STAG3: variants seen among roughly 807,000 people sequenced by gnomAD.
The protein encoded by STAG3 is STAG3 cohesin complex component.
A neutral mutation model predicts 160.7 loss-of-function variants in STAG3; 101 were observed. That is an observed-to-expected ratio of 0.63 (90% CI 0.54 to 0.74). STAG3 has a LOEUF of 0.74. Among genes scored for constraint, STAG3 ranks in the 30% least tolerant of loss-of-function variants. STAG3 has a pLI of 0.00. For synonymous variants in STAG3, 519 were observed against 585.0 expected (o/e 0.89, Z 1.63); for missense variants, 1,188 against 1,517.4 (o/e 0.78, Z 3.61).
chr7:100,187,100 C>T (rs1202011074), intron 5 of STAG3, among the ~76,000 whole-genome samples: 5 of 151,902 alleles, frequency 3.3e-5, no homozygotes, highest in Admixed American at 1.3e-4. Context: ...GGCATGATCT[C>T]GGCTCACTGC....
At position 100,207,091 on chromosome 7, in the gene STAG3, T is replaced by C. The variant is rs1304234830; in HGVS notation, c.3238+1707T>C. Among the ~76,000 whole-genome samples, 1 of 152,224 alleles carries C rather than the reference T, an allele frequency of 6.6e-6. No individual in the cohort carries two copies. The highest frequency in any genetic ancestry group is 1.5e-5 in the Non-Finnish European group (1 of 68,038). Reference sequence around the variant, plus strand: ...TCATACCTTTTTATGGCCGAAACAATATGCCATCGTGTGGATATGCCACAT... The same window carrying C: ...TCATACCTTTTTATGGCCGAAACAACATGCCATCGTGTGGATATGCCACAT... On this transcript the variant is annotated intron_variant, in intron 29 of 33. Transcript: ENST00000615138. This position sits in a 1 kb window ranked among gnomAD's most constrained non-coding sequence, Gnocchi z 4.0.
intron 31 of STAG3, 62 bp downstream of exon 31, chr7:100,211,601 C>A: frequency 6.4e-7 from 1 of 1,561,636 alleles, no homozygotes; most frequent in Non-Finnish European, 8.8e-7. Context: ...TGAGGGGATT[C>A]CTGTCTCACC....
chr7:100,215,814 T>C (rs1335142897), downstream of STAG3, among the ~76,000 whole-genome samples: 2 of 152,162 alleles, frequency 1.3e-5, no homozygotes, highest in Non-Finnish European at 2.9e-5. Context: ...ATATGGGCTT[T>C]GTGATGCTTG....
chr7:100,204,078 G>T lies in STAG3; in HGVS notation c.2758G>T (p.Asp920Tyr). 1.2e-6 allele frequency: 2 copies of T among 1,614,086 alleles called. No homozygotes were observed. The highest frequency in any genetic ancestry group is 2.2e-5 in the South Asian group (2 of 91,044). ...AACATTAACTAGAGCAAGGCAGATT[G>T]ACCGAAGTCATTGTTCCCGAATCCT... ...KETLTRARQI[D>Y]RSHCSRILLL... The change falls in exon 26 of 34, where the codon GAC becomes TAC. Residue 920 changes from aspartate to tyrosine, a missense_variant. Around this residue, in one of 4 missense-constraint regions of STAG3, gnomAD observed 647 missense variants for 717.2 expected, o/e 0.90. Coordinates refer to ENST00000615138, the MANE Select transcript of STAG3 (RefSeq NM_001282717.2).
chr7:100,184,297 CTT>C (rs1799840784), intron 4 of STAG3, among the ~76,000 whole-genome samples: 2 of 151,528 alleles, frequency 1.3e-5, no homozygotes, highest in Admixed American at 1.3e-4. Context: ...TTTATGGAGA[CTT>C]AGCCTTATGG....
intron 2 of STAG3, among the ~76,000 whole-genome samples, chr7:100,181,698 AACAC>A: frequency 6.6e-6 from 1 of 152,102 alleles, no homozygotes; most frequent in Non-Finnish European, 1.5e-5. Context: ...CTATAATCCC[AACAC>A]TTTGGGAGGC....
In STAG3 at chr7:100,211,884, G is replaced by T; in HGVS notation, c.3600+8G>T. The stretch of plus-strand genomic sequence containing the variant: ...CGGCAGGATACAGACATGGTGAGTA[G>T]ACCACCCTGCCCTTCTCTCTCAAGA... On this transcript the variant is annotated splice_region_variant and intron_variant, in intron 32 of 33. Coordinates refer to ENST00000615138, the MANE Select transcript of STAG3 (RefSeq NM_001282717.2). The T allele has an allele frequency of 1.2e-6, 2 of 1,613,518 alleles. No homozygotes were observed. Among genetic ancestry groups the T allele is most frequent in the South Asian group, 1.1e-5 (1 of 91,002 alleles).
intron 29 of STAG3, among the ~76,000 whole-genome samples, chr7:100,208,428 A>G (rs1184902538): frequency 1.3e-5 from 2 of 152,266 alleles, no homozygotes; most frequent in Admixed American, 6.5e-5. Context: ...ACAATTGCCA[A>G]TAACTGCCTG....
intron 9 of STAG3, among the ~76,000 whole-genome samples, chr7:100,196,818 T>C (rs2117246154): frequency 6.6e-6 from 1 of 151,966 alleles, no homozygotes; most frequent in African/African-American, 2.4e-5. Context: ...GTTTAACTAT[T>C]TTATGGTTTG....
In STAG3 at chr7:100,182,844, A is replaced by C; in HGVS notation, c.336+5A>C. The C allele has an allele frequency of 1.2e-6, 2 of 1,613,962 alleles. No individual in the cohort carries two copies. The highest frequency in any genetic ancestry group is 1.7e-6 in the Non-Finnish European group (2 of 1,179,848). ...GCCGCCAAAAGTGACATGCAGGTAA[A>C]GCAGTGTCTCACCTCTGTTGATACC... On this transcript the variant is annotated splice_donor_5th_base_variant and intron_variant, in intron 4 of 33. Coordinates refer to ENST00000615138, the MANE Select transcript of STAG3 (RefSeq NM_001282717.2).
At chr7:100,218,634 G>A (rs753511524), downstream of STAG3, 2 of 394,982 alleles carry the variant, frequency 5.1e-6, no homozygotes, top group South Asian at 4.4e-5. Flanking sequence ...AGAGTCTTCC[G>A]TTACTAGGTA....
At chr7:100,217,515 A>G (rs1369435770), downstream of STAG3, among the ~76,000 whole-genome samples, 2 of 108,162 alleles carry the variant, frequency 1.8e-5, no homozygotes, top group African/African-American at 6.9e-5. Flanking sequence ...GATGGTAGAA[A>G]TGAAGACACA....
rs552372889 is a variant in STAG3, at chr7:100,205,149, G to T, written c.3080+16G>T. ...AGCAGCTTTTGTAAGTTGGTGGGTG[G>T]ATAGAGATGTGGATTAGGGAAGGGC... On this transcript the variant is annotated intron_variant, in intron 28 of 33. Transcript: ENST00000615138. The T allele has an allele frequency of 4.3e-6, 7 of 1,613,992 alleles. No homozygotes were observed. In the Admixed American group the frequency reaches 1.2e-4, roughly 27 times the overall value.
At chr7:100,217,517 G>T (rs1802864172), downstream of STAG3, among the ~76,000 whole-genome samples, 2 of 88,596 alleles carry the variant, frequency 2.3e-5, no homozygotes, top group Non-Finnish European at 5.4e-5. Flanking sequence ...TGGTAGAAAT[G>T]AAGACACAAG....
chr7:100,211,409 C>T (rs80044214), intron 30 of STAG3, 26 bp from the exon 31 acceptor site: 52,248 of 1,607,700 alleles, frequency 0.032, 1,013 homozygotes, highest in Non-Finnish European at 0.038. Context: ...ATTTTTATCC[C>T]ATCATTGATC....
chr7:100,187,607 C>T (rs1459876761), intron 5 of STAG3, among the ~76,000 whole-genome samples: 2 of 152,078 alleles, frequency 1.3e-5, no homozygotes, highest in African/African-American at 2.4e-5. Flanking sequence ...CAGCCTGAGC[C>T]CCTTGGCATT....
At chr7:100,199,767 A>C in intron 16 of STAG3, 123 bp downstream of exon 16, 1 of 782,444 alleles carries the variant, frequency 1.3e-6, no homozygotes, top group East Asian at 2.8e-5. Context: ...TCATTTCCAG[A>C]AAAAAGGGCC....
intron 8 of STAG3, among the ~76,000 whole-genome samples, chr7:100,190,090 T>A (rs1312812635): frequency 6.6e-6 from 1 of 152,214 alleles, no homozygotes; most frequent in African/African-American, 2.4e-5. Context: ...TCAGTTTTCT[T>A]TTCTTTAAAA....
chr7:100,200,163 A>G, intron 16 of STAG3, 73 bp from the exon 17 acceptor site: 1 of 1,084,810 alleles, frequency 9.2e-7, no homozygotes, highest in Non-Finnish European at 1.4e-6. Flanking sequence ...GGTCATGGGG[A>G]GGAGGACTGC....
Sources: gnomAD v4.1 joint callset for allele counts (sites outside exome capture counted in the v4.1 genomes callset) on GRCh38, gnomAD v4.1.1 for gene constraint, gnomAD v4.1.1 regional missense constraint, Gnocchi (gnomAD v3.1) non-coding constraint, MANE v1.5 for transcripts, NCBI Gene and HGNC (gene_info 2026-07-23, HGNC 2026-07-21) for gene names.